ZMYM5: variants seen among roughly 807,000 people sequenced by gnomAD.
The protein encoded by ZMYM5 is zinc finger MYM-type containing 5, also known as zinc finger MYM-type protein 5.
ZMYM5 carries 41 observed loss-of-function variants against 61.8 expected under a neutral mutation model. The ratio of observed to expected loss-of-function variants is 0.66; its 90% CI spans 0.52 to 0.86. The LOEUF is 0.86. Ranked by LOEUF, ZMYM5 falls within the 40% of genes least tolerant of loss-of-function variation. The probability of loss-of-function intolerance (pLI) is 0.00; values close to 1 mark genes in which losing one functional copy is unlikely to be tolerated. For missense variants in ZMYM5, 706 were observed against 786.7 expected (o/e 0.90, Z 1.23); for synonymous variants, 257 against 276.4 (o/e 0.93, Z 0.70).
At chr13:19,858,538 T>C (rs1953594562) in intron 2 of ZMYM5, among the ~76,000 whole-genome samples, 1 of 122,562 alleles carries the variant, frequency 8.2e-6, no homozygotes, top group African/African-American at 3.1e-5. Flanking sequence ...TGAGCCGAGA[T>C]GGGCCACTGC....
chr13:19,840,345 T>G (rs1952823934), intron 4 of ZMYM5, among the ~76,000 whole-genome samples: 1 of 152,116 alleles, frequency 6.6e-6, no homozygotes, highest in Non-Finnish European at 1.5e-5. Context: ...CAAAACCCCA[T>G]CTCTACAAAA....
At chr13:19,839,082 G>A in intron 4 of ZMYM5, 97 bp from the exon 5 acceptor site, 1 of 1,448,632 alleles carries the variant, frequency 6.9e-7, no homozygotes, top group South Asian at 1.4e-5. Flanking sequence ...AGACAAGTGG[G>A]GCAGGCGTAT....
intron 4 of ZMYM5, among the ~76,000 whole-genome samples, chr13:19,843,094 G>A (rs1164570737): frequency 6.6e-6 from 1 of 151,110 alleles, no homozygotes; most frequent in Non-Finnish European, 1.5e-5. Flanking sequence ...GCAATTACAG[G>A]CGTGAGCCAC....
In ZMYM5 at chr13:19,856,645, G is replaced by GAA. The variant is rs111627893; in HGVS notation, c.-10-4457_-10-4456dup. On this transcript the variant is annotated intron_variant, in intron 2 of 7. Transcript: ENST00000337963. ...ACAAGGGCGAAACTCTGTCTCAGAA[G>GAA]AAAAAAAAAAAAAATTGATTCACGC... Among the ~76,000 whole-genome samples the GAA allele has an allele frequency of 8.6e-3, 1,206 of 139,444 alleles. 22 individuals are homozygous for GAA. The highest frequency in any genetic ancestry group is 0.03 in the African/African-American group (1,152 of 38,388). 91.5% of individuals were successfully genotyped at this position (139,444 alleles called of 152,430 possible).
At chr13:19,832,573 C>T (rs1345308805) in intron 7 of ZMYM5, among the ~76,000 whole-genome samples, 6 of 152,038 alleles carry the variant, frequency 3.9e-5, no homozygotes, top group Non-Finnish European at 7.4e-5. Context: ...GTGATCCGCC[C>T]GCCTTGGCCT....
intron 4 of ZMYM5, among the ~76,000 whole-genome samples, chr13:19,846,631 T>A (rs867940791): frequency 2.0e-5 from 3 of 152,030 alleles, no homozygotes; most frequent in South Asian, 4.2e-4. Flanking sequence ...ACATTTAGGA[T>A]CTGAGTGAAC....
At chr13:19,847,582 A>G (rs1207239749) in intron 4 of ZMYM5, among the ~76,000 whole-genome samples, 1 of 152,130 alleles carries the variant, frequency 6.6e-6, no homozygotes, top group Non-Finnish European at 1.5e-5. Flanking sequence ...ATTTTTCATT[A>G]CAAATGTTAT....
intron 5 of ZMYM5, among the ~76,000 whole-genome samples, chr13:19,838,029 T>A (rs191593796): frequency 1.9e-3 from 282 of 152,244 alleles, no homozygotes; most frequent in African/African-American, 6.3e-3. Context: ...TAAAAATCTT[T>A]CGTAGCACAA....
At chr13:19,852,737 C>T (rs1953360451) in intron 2 of ZMYM5, among the ~76,000 whole-genome samples, 1 of 152,148 alleles carries the variant, frequency 6.6e-6, no homozygotes, top group South Asian at 2.1e-4. Context: ...ATTATCAAAA[C>T]TCCATGATAG....
chr13:19,844,084 G>C (rs919909550), intron 4 of ZMYM5, among the ~76,000 whole-genome samples: 30 of 149,790 alleles, frequency 2.0e-4, no homozygotes, highest in African/African-American at 6.7e-4. Flanking sequence ...CTTTCAGTGA[G>C]CCGAGATCGC....
chr13:19,856,097 C>T (rs1953497417), intron 2 of ZMYM5, among the ~76,000 whole-genome samples: 1 of 151,862 alleles, frequency 6.6e-6, no homozygotes, highest in South Asian at 2.1e-4. Flanking sequence ...ATAACTTAAC[C>T]ATGAAAAACT....
intron 7 of ZMYM5, among the ~76,000 whole-genome samples, chr13:19,833,188 C>T (rs1478467052): frequency 6.6e-6 from 1 of 152,134 alleles, no homozygotes; most frequent in Non-Finnish European, 1.5e-5. Flanking sequence ...CACTGTTTCT[C>T]CTGTTCGATA....
chr13:19,851,488 A>G, intron 3 of ZMYM5, 40 bp from the exon 4 acceptor site: 1 of 1,603,196 alleles, frequency 6.2e-7, no homozygotes, highest in Non-Finnish European at 8.5e-7. Context: ...GTATATTAAC[A>G]CCAAAATTAC....
At chr13:19,850,759 T>C (rs1258500948) in intron 4 of ZMYM5, among the ~76,000 whole-genome samples, 1 of 152,176 alleles carries the variant, frequency 6.6e-6, no homozygotes, top group African/African-American at 2.4e-5. Context: ...TGTATCTTTA[T>C]CCTTTGATTT....
chr13:19,844,970 A>G (rs1418793583), intron 4 of ZMYM5, among the ~76,000 whole-genome samples: 6 of 152,184 alleles, frequency 3.9e-5, no homozygotes, highest in Non-Finnish European at 8.8e-5. Context: ...TGGTGGGGGA[A>G]TTTTGTATTA....
chr13:19,850,798 T>C (rs1344590231), intron 4 of ZMYM5, among the ~76,000 whole-genome samples: 1 of 152,190 alleles, frequency 6.6e-6, no homozygotes, highest in Non-Finnish European at 1.5e-5. Flanking sequence ...GAAGGTAAAG[T>C]ATTTCAATTA....
chr13:19,847,803 ATTTTTTT>A (rs34176871), intron 4 of ZMYM5, among the ~76,000 whole-genome samples: 15 of 79,894 alleles, frequency 1.9e-4, no homozygotes, highest in South Asian at 5.7e-4. Flanking sequence ...TGCCCGGCTA[ATTTTTTT>A]TTTTTTTTTT....
At chr13:19,843,411 G>C (rs948642624) in intron 4 of ZMYM5, 1 of 143,670 alleles carries the variant, frequency 7.0e-6, no homozygotes, top group Admixed American at 7.1e-5. Context: ...ATATAGCAAG[G>C]CTTCTAGTTT....
intron 4 of ZMYM5, among the ~76,000 whole-genome samples, chr13:19,841,380 T>C (rs1952871683): frequency 6.6e-6 from 1 of 152,220 alleles, no homozygotes; most frequent in Non-Finnish European, 1.5e-5. Context: ...CAGTGTCTAC[T>C]GAAAACTCCA....
Sources: gnomAD v4.1 joint callset for allele counts (sites outside exome capture counted in the v4.1 genomes callset) on GRCh38, gnomAD v4.1.1 for gene constraint, MANE v1.5 for transcripts, NCBI Gene and HGNC (gene_info 2026-07-23, HGNC 2026-07-21) for gene names.